Variants in ZC3H12B observed in about 807,000 individuals in gnomAD.
ZC3H12B encodes the protein probable ribonuclease ZC3H12B.
In ZC3H12B, 7 loss-of-function variants were observed where a neutral mutation model predicts 43.9. The observed-to-expected ratio is 0.16, with a 90% CI of 0.09 to 0.30. ZC3H12B has a LOEUF of 0.30. Among genes scored for constraint, ZC3H12B ranks in the 10% least tolerant of loss-of-function variants. ZC3H12B has a pLI of 1.00. For synonymous variants in ZC3H12B, 222 were observed against 241.7 expected, an observed-to-expected ratio of 0.92 and a Z score of 0.76; for missense variants, 475 against 670.2, an observed-to-expected ratio of 0.71 and a Z score of 3.22.
the ZC3H12B span, among the ~76,000 whole-genome samples, chrX:65,360,311 T>A: frequency 0.14 from 15,638 of 112,048 alleles, 2,586 homozygotes; most frequent in African/African-American, 0.47. Context: ...CTGGATGAAT[T>A]GTATGTTATA....
chrX:65,504,438 CATTT>C (rs2068406438), exon 5 of ZC3H12B: 1 of 112,567 alleles, frequency 8.9e-6, no homozygotes, highest in African/African-American at 3.2e-5. Context: ...TACCTGCCAA[CATTT>C]ATTAACAGTT....
the ZC3H12B span, among the ~76,000 whole-genome samples, chrX:65,079,171 T>A: frequency 8.9e-6 from 1 of 112,648 alleles, no homozygotes; most frequent in Non-Finnish European, 1.9e-5. Flanking sequence ...AATGACTGTG[T>A]CATGTGGTTT....
the ZC3H12B span, among the ~76,000 whole-genome samples, chrX:65,219,861 G>A: frequency 9.8e-6 from 1 of 101,708 alleles, no homozygotes; most frequent in Non-Finnish European, 2.0e-5. Context: ...CAAAACACCT[G>A]GGAAATTTTT....
chrX:65,373,469 C>T (rs985677674), intron 2 of ZC3H12B, among the ~76,000 whole-genome samples: 3 of 110,886 alleles, frequency 2.7e-5, no homozygotes, highest in Admixed American at 9.6e-5. Flanking sequence ...CTATTCACAA[C>T]AGCAAAGACT....
exon 5 of ZC3H12B, chrX:65,502,760 G>A: frequency 8.3e-7 from 1 of 1,209,820 alleles, no homozygotes; most frequent in Non-Finnish European, 1.1e-6. Flanking sequence ...CCATCCTGGG[G>A]CAACCCCCCA....
chrX:65,115,224 C>G, the ZC3H12B span, among the ~76,000 whole-genome samples: 1 of 107,625 alleles, frequency 9.3e-6, no homozygotes. Flanking sequence ...TTACCCGAGT[C>G]CCCAAAGTCC....
intron 3 of ZC3H12B, among the ~76,000 whole-genome samples, chrX:65,425,614 T>G (rs2067071581): frequency 9.0e-6 from 1 of 111,600 alleles, no homozygotes; most frequent in Non-Finnish European, 1.9e-5. Context: ...ATATAGCTCT[T>G]ATTATTTTGA....
chrX:65,415,240 G>A (rs1003802762), intron 3 of ZC3H12B, among the ~76,000 whole-genome samples: 18 of 112,318 alleles, frequency 1.6e-4, no homozygotes, highest in Non-Finnish European at 3.2e-4. Flanking sequence ...TTATCATGCC[G>A]ATGAAGGCTC....
At chrX:65,138,324 CTG>C in the ZC3H12B span, among the ~76,000 whole-genome samples, 1 of 111,679 alleles carries the variant, frequency 9.0e-6, no homozygotes, top group African/African-American at 3.3e-5. Flanking sequence ...ACCTGTGAGA[CTG>C]TGTGGAATTC....
chrX:65,234,005 A>T, the ZC3H12B span, among the ~76,000 whole-genome samples: 7 of 111,596 alleles, frequency 6.3e-5, no homozygotes, highest in South Asian at 7.6e-4. Flanking sequence ...GACTAATTCT[A>T]AATTCATTCT....
At chrX:65,201,174 C>T in the ZC3H12B span, among the ~76,000 whole-genome samples, 1 of 111,361 alleles carries the variant, frequency 9.0e-6, no homozygotes, top group Non-Finnish European at 1.9e-5. Context: ...TGGTCCTGGG[C>T]TATTTTATTT....
the ZC3H12B span, among the ~76,000 whole-genome samples, chrX:65,105,552 G>A: frequency 9.0e-6 from 1 of 111,514 alleles, no homozygotes; most frequent in Non-Finnish European, 1.9e-5. Flanking sequence ...TCTAGACCTT[G>A]CTGGAAAGGG....
the ZC3H12B span, among the ~76,000 whole-genome samples, chrX:65,270,285 G>A: frequency 8.9e-6 from 1 of 111,816 alleles, no homozygotes; most frequent in Non-Finnish European, 1.9e-5. Context: ...AATGAGGAAA[G>A]GAGAGTGTTT....
the ZC3H12B span, among the ~76,000 whole-genome samples, chrX:65,053,747 C>T: frequency 9.0e-6 from 1 of 111,719 alleles, no homozygotes; most frequent in Admixed American, 9.5e-5. Context: ...GTTCCTGTTT[C>T]TCCACATCCC....
the ZC3H12B span, among the ~76,000 whole-genome samples, chrX:65,344,752 G>T: frequency 6.2e-5 from 7 of 112,306 alleles, no homozygotes; most frequent in Non-Finnish European, 1.3e-4. Context: ...CAAAGCAAAA[G>T]AAACTGTCAA....
intron 3 of ZC3H12B, among the ~76,000 whole-genome samples, chrX:65,432,384 C>T (rs1224416156): frequency 2.7e-5 from 3 of 111,539 alleles, no homozygotes; most frequent in Non-Finnish European, 5.6e-5. Context: ...GTGACTTGCT[C>T]CAAAATTCTA....
the ZC3H12B span, among the ~76,000 whole-genome samples, chrX:65,192,356 CTGAT>C: frequency 1.1e-4 from 12 of 110,880 alleles, no homozygotes; most frequent in East Asian, 2.5e-3. Flanking sequence ...TTTTTGTTGT[CTGAT>C]TGCTCTAATT....
chrX:65,444,192 G>T (rs1020453773), intron 3 of ZC3H12B, among the ~76,000 whole-genome samples: 5 of 111,897 alleles, frequency 4.5e-5, no homozygotes. Flanking sequence ...ATTTGAGACT[G>T]CCATGAGGCT....
upstream of ZC3H12B, among the ~76,000 whole-genome samples, chrX:65,485,418 T>C (rs2068112254): frequency 8.9e-6 from 1 of 111,898 alleles, no homozygotes; most frequent in Non-Finnish European, 1.9e-5. Context: ...CATGCCTGAC[T>C]AATTTTAGTA....
Sources: allele counts gnomAD v4.1 joint callset (sites outside exome capture counted in the v4.1 genomes callset), GRCh38; gene constraint gnomAD v4.1.1; transcripts MANE v1.5; gene names NCBI Gene and HGNC (gene_info 2026-07-23, HGNC 2026-07-21).